CPNE3: variants seen among roughly 807,000 people sequenced by gnomAD.
CPNE3 encodes the protein copine-3.
CPNE3 carries 68 observed loss-of-function variants against 63.9 expected under a neutral mutation model. That is an observed-to-expected ratio of 1.06 (90% CI 0.87 to 1.30). The LOEUF is 1.30. Among genes scored for constraint, CPNE3 ranks in the 50% most tolerant of loss-of-function variants. CPNE3 has a pLI of 0.00. For missense variants in CPNE3, 665 were observed against 578.1 expected, an observed-to-expected ratio of 1.15 and a Z score of -1.54; for synonymous variants, 219 against 197.5, an observed-to-expected ratio of 1.11 and a Z score of -0.91.
At position 86,547,725 on chromosome 8, in the gene CPNE3, C is replaced by T. The variant is rs532473572; in HGVS notation, c.834C>T (p.Cys278=). The change falls in exon 11 of 17, where the codon TGC becomes TGT. Residue 278 remains cysteine (C), a synonymous_variant. Coordinates refer to ENST00000517490, the MANE Select transcript of CPNE3 (RefSeq NM_003909.5). The part of the protein sequence containing the change: ...SVKQCEITVE[C]TFLDYIMGGC... ...CTTATTTTTAGATTACAGTAGAATGCACATTCCTTGACTATATAATGGGAG... is the reference window on the plus strand; with the variant it reads ...CTTATTTTTAGATTACAGTAGAATGTACATTCCTTGACTATATAATGGGAG... The T allele has an allele frequency of 2.4e-5, 32 of 1,322,426 alleles. No homozygotes were observed. In the South Asian group the frequency reaches 3.5e-4, roughly 14 times the overall value. 81.9% of individuals were successfully genotyped at this position (1,322,426 alleles called of 1,614,324 possible).
chr8:86,520,350 G>T (rs1005816536), intron 2 of CPNE3, among the ~76,000 whole-genome samples: 3 of 137,422 alleles, frequency 2.2e-5, no homozygotes, highest in Non-Finnish European at 5.2e-5. Context: ...GAAGTCAGGA[G>T]TTCGAGACCA....
intron 2 of CPNE3, among the ~76,000 whole-genome samples, chr8:86,526,662 G>A (rs375342108): frequency 2.7e-4 from 41 of 152,104 alleles, no homozygotes; most frequent in African/African-American, 9.9e-4. Context: ...ACAGGCTCAT[G>A]CCACCACACC....
chr8:86,547,939 G>A (rs1387923815), intron 11 of CPNE3, among the ~76,000 whole-genome samples, 169 bp downstream of exon 11: 1 of 152,176 alleles, frequency 6.6e-6, no homozygotes, highest in Admixed American at 6.5e-5. Flanking sequence ...TCTCAGTTTT[G>A]TTGATGAGAT....
rs974590189 is a variant in CPNE3 at position 86,536,030 on chromosome 8, C to T, written c.460-1533C>T. Among the ~76,000 whole-genome samples, 6 of 151,992 alleles carry T rather than the reference C, an allele frequency of 3.9e-5. No individual in the cohort carries two copies. In the Middle Eastern group the frequency reaches 0.014, roughly 345 times the overall value. ...TTGATTTAATTTTGTTTTATAATCA[C>T]GTAAAAAATTTACATGGCTCTAAAA... On this transcript the variant is annotated intron_variant, in intron 6 of 16. Transcript: ENST00000517490.
rs774864921 is a variant in CPNE3 at position 86,556,112 on chromosome 8, T to G, written c.1265T>G (p.Val422Gly). Residue 422 changes from valine (V) to glycine (G), a missense_variant, in exon 16 of 17, where the codon GTG (valine) becomes GGG (glycine). Transcript: ENST00000517490. ...TQQQTASQYF[V>G]LLIITDGVIT... ...TTCTTTTTCTGGCAGCAATATTTTG[T>G]GCTTTTGATTATTACTGATGGTGTG... 10 of 872,848 alleles carry G rather than the reference T, an allele frequency of 1.1e-5. No homozygotes were observed. The African/African-American group carries it at 1.6e-4, about 14-fold the overall frequency. The allele number at this position is 872,848 out of a possible 1,614,324, so 54.1% of individuals were successfully genotyped here.
intron 11 of CPNE3, 125 bp downstream of exon 11, chr8:86,547,895 T>C: frequency 1.6e-6 from 1 of 619,530 alleles, no homozygotes; most frequent in Non-Finnish European, 2.8e-6. Flanking sequence ...CCTCTTAGAG[T>C]CCTCAGGCAG....
rs1171464853 is a variant in CPNE3 at position 86,529,084 on chromosome 8, A to G, written c.272A>G (p.Asp91Gly). The G allele has an allele frequency of 1.2e-6, 2 of 1,614,068 alleles. No individual in the cohort carries two copies. The change falls in exon 4 of 17, where the codon GAT becomes GGT. Residue 91 changes from aspartate (D) to glycine (G), a missense_variant. Coordinates refer to ENST00000517490, the MANE Select transcript of CPNE3 (RefSeq NM_003909.5). The part of the protein sequence containing the change: ...DIDNKTIELS[D>G]DDFLGECECT... Reference sequence around the variant, plus strand: ...GACAACAAAACTATTGAGCTGAGTGATGATGACTTCTTAGGGGAATGTGAA... The same window carrying G: ...GACAACAAAACTATTGAGCTGAGTGGTGATGACTTCTTAGGGGAATGTGAA...
chr8:86,552,185 T>G (rs1364946574), intron 14 of CPNE3, among the ~76,000 whole-genome samples: 1 of 152,238 alleles, frequency 6.6e-6, no homozygotes, highest in Admixed American at 6.5e-5. Flanking sequence ...TACAAATGTA[T>G]AGCTTTCTAA....
At chr8:86,521,839 G>A (rs1329717035) in intron 2 of CPNE3, 1 of 152,092 alleles carries the variant, frequency 6.6e-6, no homozygotes, top group Non-Finnish European at 1.5e-5. Context: ...TTCAGACACT[G>A]GAGTGCCTTA....
chr8:86,550,867 A>C lies in CPNE3; in HGVS notation c.1014-179A>C, dbSNP rs111852090. 2,973 of 607,710 alleles carry C rather than the reference A, an allele frequency of 4.9e-3. 27 individuals carry two copies. Among genetic ancestry groups the C allele is most frequent in the African/African-American group, 0.027 (1,473 of 53,804 alleles). 37.6% of individuals were successfully genotyped at this position (607,710 alleles called of 1,614,324 possible). On this transcript the variant is annotated intron_variant, in intron 12 of 16. Coordinates refer to ENST00000517490, the MANE Select transcript of CPNE3 (RefSeq NM_003909.5). ...TTTTTCTTCCTCAGTGCACAGAAAA[A>C]TATTTAGGATGAGAGTTGTCAAATA... is the stretch of plus-strand genomic sequence containing the variant.
At chr8:86,515,440 G>C (rs879740564) in intron 1 of CPNE3, 22 bp from the exon 2 acceptor site, 3 of 152,112 alleles carry the variant, frequency 2.0e-5, no homozygotes, top group Non-Finnish European at 4.4e-5. Flanking sequence ...TTAAAGTGAT[G>C]TTACTCTGTT....
chr8:86,531,139 T>C lies in CPNE3; in HGVS notation c.313-16T>C, dbSNP rs1586834022. The C allele has an allele frequency of 3.9e-6, 4 of 1,037,364 alleles. No homozygotes were observed. Among genetic ancestry groups the C allele is most frequent in the Middle Eastern group, 2.0e-4 (1 of 4,936 alleles). 64.3% of individuals were successfully genotyped at this position (1,037,364 alleles called of 1,614,324 possible). ...TTGAAGGGAAATGACTCTGTATCACTTTCTAATTCTAACAGATTGTTTCCA... is the reference window on the plus strand; with the variant it reads ...TTGAAGGGAAATGACTCTGTATCACCTTCTAATTCTAACAGATTGTTTCCA... On this transcript the variant is annotated splice_polypyrimidine_tract_variant and intron_variant, in intron 4 of 16. Coordinates refer to ENST00000517490, the MANE Select transcript of CPNE3 (RefSeq NM_003909.5).
At chr8:86,551,423 G>A in intron 14 of CPNE3, 189 bp downstream of exon 14, 1 of 565,804 alleles carries the variant, frequency 1.8e-6, no homozygotes, top group Non-Finnish European at 3.1e-6. Flanking sequence ...GGTGGTTAGG[G>A]TGGTAATGGT....
intron 10 of CPNE3, among the ~76,000 whole-genome samples, chr8:86,547,134 A>G (rs894723680): frequency 3.3e-5 from 5 of 152,222 alleles, no homozygotes; most frequent in Admixed American, 3.3e-4. Context: ...CACCTTTAGC[A>G]AAAAGAATCA....
rs769586297 is a variant in CPNE3 at position 86,556,314 on chromosome 8, T to G, written c.1467T>G (p.Phe489Leu). 2 of 873,018 alleles carry G rather than the reference T, an allele frequency of 2.3e-6. No homozygotes were observed. The highest frequency in any genetic ancestry group is 4.0e-6 in the Non-Finnish European group (2 of 501,678). The allele number at this position is 873,018 out of a possible 1,614,324, so 54.1% of individuals were successfully genotyped here. Reference protein sequence around the residue: ...GEVAIRDIVQFVPFRQFQNAP... With the variant: ...GEVAIRDIVQLVPFRQFQNAP... Reference sequence around the variant, plus strand: ...TGGCCATCAGAGATATTGTCCAGTTTGTGCCTTTCAGACAGTTCCAGAATG... The same window carrying G: ...TGGCCATCAGAGATATTGTCCAGTTGGTGCCTTTCAGACAGTTCCAGAATG... The change falls in exon 16 of 17, where the codon TTT (phenylalanine) becomes TTG (leucine). Residue 489 changes from phenylalanine (F) to leucine (L), a missense_variant. By Grantham distance (22) the Phe-to-Leu change is conservative. Coordinates refer to ENST00000517490, the MANE Select transcript of CPNE3 (RefSeq NM_003909.5).
intron 8 of CPNE3, among the ~76,000 whole-genome samples, chr8:86,542,758 C>A: frequency 6.6e-6 from 1 of 151,896 alleles, no homozygotes; most frequent in East Asian, 1.9e-4. Context: ...GAACATATGC[C>A]AGCATTATAA....
At chr8:86,537,435 T>C (rs999636995) in intron 6 of CPNE3, 128 bp from the exon 7 acceptor site, 18 of 634,238 alleles carry the variant, frequency 2.8e-5, no homozygotes, top group Non-Finnish European at 4.9e-5. Flanking sequence ...GGTGATGGGA[T>C]GTATATTTAC....
At chr8:86,549,247 A>G (rs949966149) in intron 12 of CPNE3, among the ~76,000 whole-genome samples, 4 of 152,234 alleles carry the variant, frequency 2.6e-5, no homozygotes, top group African/African-American at 9.6e-5. Context: ...TAAGGTGGCA[A>G]TTCCAATTTC....
chr8:86,526,712 A>C (rs1450584354), intron 2 of CPNE3, among the ~76,000 whole-genome samples: 1 of 152,074 alleles, frequency 6.6e-6, no homozygotes, highest in African/African-American at 2.4e-5. Flanking sequence ...AGGTTTCACC[A>C]TGTTGACCAG....
Sources: gnomAD v4.1 joint callset for allele counts (sites outside exome capture counted in the v4.1 genomes callset) on GRCh38, gnomAD v4.1.1 for gene constraint, MANE v1.5 for transcripts, NCBI Gene and HGNC (gene_info 2026-07-23, HGNC 2026-07-21) for gene names.